Variants in DOCK1 observed in about 807,000 individuals in gnomAD.
The protein encoded by DOCK1 is dedicator of cytokinesis protein 1.
Under a neutral mutation model 262.7 loss-of-function variants are expected in DOCK1, and 138 were observed. That is an observed-to-expected ratio of 0.53 (90% CI 0.46 to 0.61). The LOEUF is 0.61. Ranked by LOEUF, DOCK1 falls within the 20% of genes least tolerant of loss-of-function variation. The pLI, the probability that DOCK1 is intolerant of heterozygous loss-of-function variation, is 0.00. For missense variants in DOCK1, 1,908 were observed against 2,370.7 expected (o/e 0.80, Z 4.05); for synonymous variants, 866 against 867.4 (o/e 1.00, Z 0.03).
intron 27 of DOCK1, among the ~76,000 whole-genome samples, chr10:127,208,820 A>T (rs916861554): frequency 6.6e-6 from 1 of 152,212 alleles, no homozygotes; most frequent in Non-Finnish European, 1.5e-5. Flanking sequence ...AATAACGTTG[A>T]GATATTCTCT....
chr10:127,449,190 C>T (rs1386188292), intron 51 of DOCK1, among the ~76,000 whole-genome samples: 3 of 152,140 alleles, frequency 2.0e-5, no homozygotes, highest in Non-Finnish European at 2.9e-5. Flanking sequence ...GGACCTTCCC[C>T]GGCCATTTCT....
At chr10:127,008,707 ATC>A (rs1367843643) in intron 10 of DOCK1, 23 bp from the exon 11 acceptor site, 4 of 1,562,966 alleles carry the variant, frequency 2.6e-6, no homozygotes, top group East Asian at 2.3e-5. Flanking sequence ...AGCCAAAACA[ATC>A]TCTGTTCTCT....
intron 10 of DOCK1, among the ~76,000 whole-genome samples, chr10:127,006,439 C>CT (rs2041028268): frequency 6.6e-6 from 1 of 152,244 alleles, no homozygotes. Flanking sequence ...TCACCATCCT[C>CT]TTCCCTGAAT....
At chr10:126,968,952 C>T (rs1306152825) in intron 1 of DOCK1, among the ~76,000 whole-genome samples, 1 of 152,172 alleles carries the variant, frequency 6.6e-6, no homozygotes, top group African/African-American at 2.4e-5. Flanking sequence ...ATAGAATTTT[C>T]AATATCATAG....
chr10:127,104,902 C>A (rs777149038), intron 23 of DOCK1, among the ~76,000 whole-genome samples: 3 of 152,110 alleles, frequency 2.0e-5, no homozygotes, highest in Admixed American at 6.5e-5. Context: ...TGGTTTTTTC[C>A]TCCTTCCTAC....
rs71032552 is a variant in DOCK1 at position 127,339,733 on chromosome 10, G to GTGTGTGTGTGTGTGTGTGCGCA, written c.3123+651_3123+652insTGTGTGTGTGTGTGTGCGCATG. 5.5e-5 allele frequency among the ~76,000 whole-genome samples: 6 copies of GTGTGTGTGTGTGTGTGTGCGCA among 109,230 alleles called. 1 individual carries two copies. Among genetic ancestry groups the GTGTGTGTGTGTGTGTGTGCGCA allele is most frequent in the African/African-American group, 1.0e-4 (3 of 29,850 alleles). 71.7% of individuals were successfully genotyped at this position (109,230 alleles called of 152,430 possible). Reference sequence around the variant, plus strand: ...TGTGTGTGTGTGTGTGTGTGTGTGTGTGCATGCTGTAAGGATTGATTTTGC... The same window carrying GTGTGTGTGTGTGTGTGTGCGCA: ...TGTGTGTGTGTGTGTGTGTGTGTGTGTGTGTGTGTGTGTGTGTGCGCATGCATGCTGTAAGGATTGATTTTGC... On this transcript the variant is annotated intron_variant, in intron 30 of 51. Coordinates refer to ENST00000623213, the MANE Select transcript of DOCK1 (RefSeq NM_001290223.2).
chr10:127,248,591 G>A (rs185375755), intron 28 of DOCK1, among the ~76,000 whole-genome samples: 3 of 152,182 alleles, frequency 2.0e-5, no homozygotes, highest in Non-Finnish European at 4.4e-5. Flanking sequence ...GTAAAACTAT[G>A]ATACAACTTA....
At chr10:127,364,161 A>G (rs769639116) in intron 33 of DOCK1, among the ~76,000 whole-genome samples, 13 of 152,094 alleles carry the variant, frequency 8.5e-5, no homozygotes, top group Non-Finnish European at 1.9e-4. Flanking sequence ...GCTGCATACA[A>G]ACCTGGGCAT....
intron 23 of DOCK1, among the ~76,000 whole-genome samples, chr10:127,080,722 C>A (rs984460027): frequency 1.3e-5 from 2 of 152,114 alleles, no homozygotes; most frequent in Non-Finnish European, 2.9e-5. Context: ...GTCTTGAATG[C>A]CAGGCTATTA....
chr10:127,138,741 G>C (rs899975599), intron 27 of DOCK1, among the ~76,000 whole-genome samples: 1 of 152,174 alleles, frequency 6.6e-6, no homozygotes, highest in African/African-American at 2.4e-5. Context: ...GAGCCAATGT[G>C]GAAGCACATT....
intron 27 of DOCK1, among the ~76,000 whole-genome samples, chr10:127,134,089 A>G (rs1564827224): frequency 6.6e-6 from 1 of 152,232 alleles, no homozygotes; most frequent in South Asian, 2.1e-4. Context: ...CCATGGTGTT[A>G]CTAACACCAT....
chr10:126,997,932 T>C lies in DOCK1; in HGVS notation c.610-160T>C, dbSNP rs570825371. ...TTTTGTCTGTTGTGTGAATGCATGA[T>C]TTAAGAATGTGCAGGGGAGATAAGA... On this transcript the variant is annotated intron_variant, in intron 7 of 51. Transcript: ENST00000623213. The C allele has an allele frequency of 9.5e-5, 84 of 888,494 alleles. 2 individuals are homozygous for C. The South Asian group carries it at 1.5e-3, about 16-fold the overall frequency. 55.0% of individuals were successfully genotyped at this position (888,494 alleles called of 1,614,324 possible).
At position 127,410,972 on chromosome 10, in the gene DOCK1, C is replaced by A. The variant is rs375725565; in HGVS notation, c.4428+48C>A. 7 of 1,576,072 alleles carry A rather than the reference C, an allele frequency of 4.4e-6. No homozygotes were observed. In the South Asian group the frequency reaches 4.6e-5, roughly 10 times the overall value. Reference sequence around the variant, plus strand: ...AACCAAACAACAAAAAATATCATTCCGCCACCAGTAGAACTGCCACTGGAG... The same window carrying A: ...AACCAAACAACAAAAAATATCATTCAGCCACCAGTAGAACTGCCACTGGAG... On this transcript the variant is annotated intron_variant, in intron 43 of 51. Transcript: ENST00000623213.
intron 27 of DOCK1, among the ~76,000 whole-genome samples, chr10:127,180,335 C>T (rs1008504990): frequency 6.6e-6 from 1 of 152,128 alleles, no homozygotes; most frequent in African/African-American, 2.4e-5. Flanking sequence ...GGCTGGGTCA[C>T]CCTAGAGAAC....
At chr10:127,273,841 C>T (rs1018986670) in intron 29 of DOCK1, among the ~76,000 whole-genome samples, 13 of 150,278 alleles carry the variant, frequency 8.7e-5, no homozygotes, top group South Asian at 4.2e-4. Flanking sequence ...GAGATTGCGC[C>T]GCTGCACTCC....
rs61105843 is a variant in DOCK1, at chr10:127,424,612, G to A, written c.4777-1262G>A. Among the ~76,000 whole-genome samples the A allele has an allele frequency of 1.0e-2, 1,518 of 152,284 alleles. 13 individuals carry two copies. The highest frequency in any genetic ancestry group is 0.032 in the African/African-American group (1,315 of 41,564). On this transcript the variant is annotated intron_variant, in intron 46 of 51. Coordinates refer to ENST00000623213, the MANE Select transcript of DOCK1 (RefSeq NM_001290223.2). Reference sequence around the variant, plus strand: ...GTCTGTCTGCGTCATCCCCCAAGGCGGAACTCAGGAGGCAGAAGGCTGACA... The same window carrying A: ...GTCTGTCTGCGTCATCCCCCAAGGCAGAACTCAGGAGGCAGAAGGCTGACA...
chr10:127,400,763 G>A (rs1313875957), intron 38 of DOCK1, among the ~76,000 whole-genome samples: 1 of 152,184 alleles, frequency 6.6e-6, no homozygotes, highest in Admixed American at 6.5e-5. Flanking sequence ...AAAGAGATCT[G>A]ATCTAAATCC....
intron 23 of DOCK1, among the ~76,000 whole-genome samples, chr10:127,098,700 G>C (rs2048056039): frequency 1.3e-5 from 2 of 152,176 alleles, no homozygotes; most frequent in African/African-American, 4.8e-5. Context: ...GTGCTGGTTA[G>C]GGTCCCCCAC....
chr10:127,154,326 G>A (rs558956841), intron 27 of DOCK1, among the ~76,000 whole-genome samples: 1 of 152,328 alleles, frequency 6.6e-6, no homozygotes, highest in African/African-American at 2.4e-5. Context: ...AACTGGGACT[G>A]GCAAAGTGCG....
Sources: allele counts gnomAD v4.1 joint callset (sites outside exome capture counted in the v4.1 genomes callset), GRCh38; gene constraint gnomAD v4.1.1; transcripts MANE v1.5; gene names NCBI Gene and HGNC (gene_info 2026-07-23, HGNC 2026-07-21).